Variants in ARCN1 observed in about 807,000 individuals in gnomAD.
ARCN1 encodes coatomer subunit delta.
A neutral mutation model predicts 60.4 loss-of-function variants in ARCN1; 5 were observed. That is an observed-to-expected ratio of 0.08 (90% CI 0.04 to 0.17). ARCN1 has a LOEUF of 0.17. Among genes scored for constraint, ARCN1 ranks in the 10% least tolerant of loss-of-function variants. The pLI is 1.00. For synonymous variants in ARCN1, 224 were observed against 220.0 expected, an observed-to-expected ratio of 1.02 and a Z score of -0.16; for missense variants, 464 against 626.5, an observed-to-expected ratio of 0.74 and a Z score of 2.77.
At position 118,596,875 on chromosome 11, in the gene ARCN1, G is replaced by A. The variant is rs150403348; in HGVS notation, c.1242-832G>A. Among the ~76,000 whole-genome samples the A allele has an allele frequency of 8.9e-3, 1,350 of 152,258 alleles. 11 individuals carry two copies. The highest frequency in any genetic ancestry group is 0.013 in the Non-Finnish European group (862 of 68,018). Reference sequence around the variant, plus strand: ...GATTGTAAATCAAATAAACCCATTGGTGTCAACTTCAATAAGTTTGAAACA... The same window carrying A: ...GATTGTAAATCAAATAAACCCATTGATGTCAACTTCAATAAGTTTGAAACA... On this transcript the variant is annotated intron_variant, in intron 8 of 9. Transcript: ENST00000264028.
chr11:118,574,109 A>G (rs1191806660), intron 1 of ARCN1, among the ~76,000 whole-genome samples: 6 of 152,212 alleles, frequency 3.9e-5, no homozygotes, highest in South Asian at 2.1e-4. Flanking sequence ...TATATAAAAT[A>G]TAACTTTTGC....
intron 5 of ARCN1, among the ~76,000 whole-genome samples, chr11:118,588,536 A>G (rs1938825029): frequency 6.6e-6 from 1 of 152,240 alleles, no homozygotes; most frequent in Non-Finnish European, 1.5e-5. Context: ...TGGTTGACAG[A>G]TCGGATACAA....
At chr11:118,580,554 T>C (rs1555074394) in intron 1 of ARCN1, among the ~76,000 whole-genome samples, 2 of 152,188 alleles carry the variant, frequency 1.3e-5, no homozygotes, top group Non-Finnish European at 1.5e-5. Context: ...ATTCCTTACA[T>C]AAAAATATAT....
rs1392398527 is a variant in ARCN1, at chr11:118,590,451, A to G, written c.929A>G (p.Tyr310Cys). The G allele has an allele frequency of 8.7e-6, 14 of 1,614,118 alleles. No homozygotes were observed. Among genetic ancestry groups the G allele is most frequent in the Middle Eastern group, 1.6e-4 (1 of 6,084 alleles). ...ATGCTTAGGATCTCAGATGACAAGT[A>G]TGGCCGAATTCGTCTTCATGTGGAA... ...MIMLRISDDK[Y>C]GRIRLHVENE... Residue 310 changes from tyrosine (Y) to cysteine (C), a missense_variant, in exon 6 of 10, where the codon TAT becomes TGT. Physicochemically the swap from Tyr to Cys is radical, Grantham distance 194 (BLOSUM62 -2). Coordinates refer to ENST00000264028, the MANE Select transcript of ARCN1 (RefSeq NM_001655.5).
In ARCN1 at chr11:118,601,899, T is replaced by C; in HGVS notation, c.*1185T>C. 1.7e-6 allele frequency: 1 copy of C among 592,060 alleles called. No individual in the cohort carries two copies. Among genetic ancestry groups the C allele is most frequent in the Non-Finnish European group, 3.0e-6 (1 of 331,854 alleles). 36.7% of individuals were successfully genotyped at this position (592,060 alleles called of 1,614,324 possible). The stretch of plus-strand genomic sequence containing the variant: ...TGCTGTTGCTACCCAAATTTTCATT[T>C]CTCCACATTTTGGGTACTTAAGCTA... On this transcript the variant is annotated 3_prime_UTR_variant, in exon 10 of 10. Transcript: ENST00000264028.
At chr11:118,583,740 CAG>C in intron 3 of ARCN1, 67 bp from the exon 4 acceptor site, 1 of 1,519,922 alleles carries the variant, frequency 6.6e-7, no homozygotes, top group Non-Finnish European at 9.0e-7. Flanking sequence ...GCCTGGGTCA[CAG>C]AGTGAGACCC....
intron 1 of ARCN1, among the ~76,000 whole-genome samples, chr11:118,578,764 C>T (rs975486603): frequency 3.0e-4 from 45 of 151,660 alleles, no homozygotes; most frequent in African/African-American, 1.0e-3. Context: ...TTGCCTTGGC[C>T]GGATGCTGTG....
chr11:118,595,657 T>C (rs1939009470), intron 8 of ARCN1, among the ~76,000 whole-genome samples: 1 of 152,218 alleles, frequency 6.6e-6, no homozygotes, highest in African/African-American at 2.4e-5. Flanking sequence ...AAATCCTAGC[T>C]CCTTTCACCT....
intron 5 of ARCN1, among the ~76,000 whole-genome samples, chr11:118,586,699 A>G (rs2135545827): frequency 6.6e-6 from 1 of 152,020 alleles, no homozygotes; most frequent in South Asian, 2.1e-4. Flanking sequence ...TAAAATACAA[A>G]AAATTAGATG....
chr11:118,579,186 G>C (rs1037867118), intron 1 of ARCN1, among the ~76,000 whole-genome samples: 4 of 151,928 alleles, frequency 2.6e-5, no homozygotes, highest in Non-Finnish European at 5.9e-5. Flanking sequence ...CTAGAAAATA[G>C]ATTTTCTCAC....
At chr11:118,597,480 C>G (rs1267852934) in intron 8 of ARCN1, among the ~76,000 whole-genome samples, 1 of 152,198 alleles carries the variant, frequency 6.6e-6, no homozygotes, top group African/African-American at 2.4e-5. Flanking sequence ...TGCCAAATAC[C>G]TATTTTTGCA....
chr11:118,579,075 T>TG (rs1938591978), intron 1 of ARCN1, among the ~76,000 whole-genome samples: 1 of 151,930 alleles, frequency 6.6e-6, no homozygotes, highest in Non-Finnish European at 1.5e-5. Flanking sequence ...CATAATAGCT[T>TG]GTAAGGTCAT....
In ARCN1 at chr11:118,591,805, G is replaced by A. The variant is rs1346068773; in HGVS notation, c.985-904G>A. Among the ~76,000 whole-genome samples, 5 of 151,418 alleles carry A rather than the reference G, an allele frequency of 3.3e-5. No homozygotes were observed. The East Asian group carries it at 5.8e-4, about 18-fold the overall frequency. On this transcript the variant is annotated intron_variant, in intron 6 of 9. Transcript: ENST00000264028. ...GCTGGAGTGCAGCAGCACAACCTTG[G>A]CTCGCTGCAGCCTTAACCTCCTAGG... is the stretch of plus-strand genomic sequence containing the variant.
chr11:118,601,475 T>C lies in ARCN1; in HGVS notation c.*761T>C. 1 of 614,836 alleles carries C rather than the reference T, an allele frequency of 1.6e-6. No homozygotes were observed. The highest frequency in any genetic ancestry group is 2.9e-6 in the Non-Finnish European group (1 of 346,760). The allele number at this position is 614,836 out of a possible 1,614,324, so 38.1% of individuals were successfully genotyped here. A position where few individuals can be genotyped will look rare whatever the true frequency, so the allele number is the denominator to read the frequency against. On this transcript the variant is annotated 3_prime_UTR_variant, in exon 10 of 10. Transcript: ENST00000264028. ...ATTTTAATCATTCATACCCTTTACC[T>C]TTAGGTTTTTCTTTCTATACATTCA... is the stretch of plus-strand genomic sequence containing the variant.
Position 118,572,466 on chromosome 11 carries a change from C to G in ARCN1, c.-82C>G, listed in dbSNP as rs1016034284. The G allele has an allele frequency of 6.0e-6, 9 of 1,507,824 alleles. No individual in the cohort carries two copies. Among genetic ancestry groups the G allele is most frequent in the Middle Eastern group, 1.7e-4 (1 of 5,872 alleles). The allele number at this position is 1,507,824 out of a possible 1,614,324, so 93.4% of individuals were successfully genotyped here. A position where few individuals can be genotyped will look rare whatever the true frequency, so the allele number is the denominator to read the frequency against. ...TGTCAAGGGGGCAGCAGGTCCAGAG[C>G]TGCTGGTGCTCCCGTTCCCCAGACC... On this transcript the variant is annotated 5_prime_UTR_variant, in exon 1 of 10. Coordinates refer to ENST00000264028, the MANE Select transcript of ARCN1 (RefSeq NM_001655.5).
At chr11:118,579,451 C>T (rs1421327374) in intron 1 of ARCN1, among the ~76,000 whole-genome samples, 3 of 151,576 alleles carry the variant, frequency 2.0e-5, no homozygotes. Flanking sequence ...GTGGGCAGAT[C>T]ACCCGAGGTC....
At chr11:118,598,700 G>C (rs1939084904) in intron 9 of ARCN1, among the ~76,000 whole-genome samples, 1 of 151,868 alleles carries the variant, frequency 6.6e-6, no homozygotes. Flanking sequence ...TCTCCATGTT[G>C]GTCAGGCTGG....
intron 4 of ARCN1, 112 bp downstream of exon 4, chr11:118,584,126 A>G (rs1555075117): frequency 9.4e-7 from 1 of 1,059,574 alleles, no homozygotes. Context: ...TTGATGAAGT[A>G]AGATATGATG....
chr11:118,597,554 G>A (rs968566520), intron 8 of ARCN1, among the ~76,000 whole-genome samples, 153 bp from the exon 9 acceptor site: 7 of 91,182 alleles, frequency 7.7e-5, no homozygotes, highest in Non-Finnish European at 1.3e-4. Context: ...GGACTTCATC[G>A]TTTGATCCTT....
Sources: allele counts gnomAD v4.1 joint callset (sites outside exome capture counted in the v4.1 genomes callset), GRCh38; gene constraint gnomAD v4.1.1; transcripts MANE v1.5; gene names NCBI Gene and HGNC (gene_info 2026-07-23, HGNC 2026-07-21).